The following VRTN variants were observed in gnomAD, a reference collection of about 807,000 sequenced individuals.
VRTN encodes vertebrae development associated.
A neutral mutation model predicts 18.2 loss-of-function variants in VRTN; 5 were observed. The ratio of observed to expected loss-of-function variants is 0.27; its 90% confidence interval spans 0.14 to 0.58. The LOEUF is 0.58. Ranked by LOEUF, VRTN falls within the 20% of genes least tolerant of loss-of-function variation. The probability of loss-of-function intolerance (pLI) is 0.91; values close to 1 mark genes in which losing one functional copy is unlikely to be tolerated. For missense variants in VRTN, 741 were observed against 939.4 expected, an observed-to-expected ratio of 0.79 and a Z score of 2.76; for synonymous variants, 381 against 393.7, an observed-to-expected ratio of 0.97 and a Z score of 0.38.
In VRTN at chr14:74,358,431, G is replaced by C. The variant is rs746872885; in HGVS notation, c.1648G>C (p.Gly550Arg). 1.9e-6 allele frequency: 3 copies of C among 1,614,174 alleles called. No homozygotes were observed. The highest frequency in any genetic ancestry group is 4.5e-5 in the East Asian group (2 of 44,876). Reference sequence around the variant, plus strand: ...TTGGGTCTGGAAGAGTCTTGCTCGGGGTTGGCCCAGAGGCCTGTCCAAACT... The same window carrying C: ...TTGGGTCTGGAAGAGTCTTGCTCGGCGTTGGCCCAGAGGCCTGTCCAAACT... ...AFWVWKSLAR[G>R]WPRGLSKLQV... Residue 550 changes from glycine (G) to arginine (R), a missense_variant, in exon 2 of 2, where the codon GGT (glycine) becomes CGT (arginine). Transcript: ENST00000256362. This position sits in a 1 kb window ranked among gnomAD's most constrained non-coding sequence, Gnocchi z 5.4.
chr14:74,314,596 G>C (rs553547661), intron 1 of VRTN, among the ~76,000 whole-genome samples: 1 of 151,794 alleles, frequency 6.6e-6, no homozygotes. Context: ...TAGAGATGGG[G>C]TTTCATCGAG....
rs1200117685 is a variant in VRTN at position 74,357,425 on chromosome 14, GC to G, written c.645del (p.Ser216ProfsTer159). ...TCCGGCCCCGCCGCTGCGACCACGTGCCCTCCACGCTGCACATCATGTGGGC... is the reference window on the plus strand; with the variant it reads ...TCCGGCCCCGCCGCTGCGACCACGTGCCTCCACGCTGCACATCATGTGGGC... The part of the protein sequence containing the change: ...VIRPRRCDHV[P>X]STLHIMWAGQ... On this transcript the variant is annotated frameshift_variant, in exon 2 of 2. Coordinates refer to ENST00000256362, the MANE Select transcript of VRTN (RefSeq NM_018228.3). LOFTEE classifies it high-confidence loss of function. The surrounding 1 kb of genome is among the most constrained non-coding windows in gnomAD (Gnocchi z 7.8). 1.2e-6 allele frequency: 2 copies of G among 1,612,484 alleles called. No homozygotes were observed. The highest frequency in any genetic ancestry group is 1.7e-6 in the Non-Finnish European group (2 of 1,180,018).
At chr14:74,313,170 G>A (rs770207250) in intron 1 of VRTN, among the ~76,000 whole-genome samples, 2 of 152,154 alleles carry the variant, frequency 1.3e-5, no homozygotes. Context: ...AGACAGAGTT[G>A]GACCTGTCTG....
At chr14:74,304,421 G>A (rs955631139) in intron 1 of VRTN, among the ~76,000 whole-genome samples, 4 of 152,184 alleles carry the variant, frequency 2.6e-5, no homozygotes, top group Non-Finnish European at 5.9e-5. Flanking sequence ...CTCTCAAAAT[G>A]CTGGGATTAC....
chr14:74,335,934 T>C (rs2085561081), intron 1 of VRTN, among the ~76,000 whole-genome samples: 1 of 150,672 alleles, frequency 6.6e-6, no homozygotes, highest in South Asian at 2.1e-4. Flanking sequence ...AGAGATGGGG[T>C]TTCACCATGT....
intron 1 of VRTN, among the ~76,000 whole-genome samples, chr14:74,316,164 TGGTGG>T (rs2085418707): frequency 6.6e-6 from 1 of 151,964 alleles, no homozygotes; most frequent in African/African-American, 2.4e-5. Flanking sequence ...GAGAGGATGA[TGGTGG>T]AGGTGCTTCT....
chr14:74,311,530 C>G (rs2085388838), intron 1 of VRTN, among the ~76,000 whole-genome samples: 1 of 151,940 alleles, frequency 6.6e-6, no homozygotes, highest in Admixed American at 6.6e-5. Flanking sequence ...AAGCTACTCC[C>G]TCCCAAGTAG....
chr14:74,311,051 G>A (rs957186222), intron 1 of VRTN, among the ~76,000 whole-genome samples: 5 of 152,030 alleles, frequency 3.3e-5, no homozygotes, highest in African/African-American at 4.8e-5. Flanking sequence ...GGGTTGTTTC[G>A]AGGAATAAAC....
intron 1 of VRTN, among the ~76,000 whole-genome samples, chr14:74,303,708 G>A (rs977459216): frequency 6.6e-6 from 1 of 152,002 alleles, no homozygotes; most frequent in Non-Finnish European, 1.5e-5. Flanking sequence ...ATTTGAATCT[G>A]GATGTGTCTT....
chr14:74,328,188 G>A (rs2085499546), intron 1 of VRTN, among the ~76,000 whole-genome samples: 1 of 152,132 alleles, frequency 6.6e-6, no homozygotes, highest in Admixed American at 6.6e-5. Context: ...AAGGTACCCT[G>A]CAGGGTGAGG....
At position 74,321,650 on chromosome 14, in the gene VRTN, A is replaced by G. The variant is rs2085456506; in HGVS notation, c.-163-16073A>G. On this transcript the variant is annotated intron_variant, in intron 1 of 2. Coordinates refer to the VRTN transcript ENST00000557177. ...CTCCTAAGTAGCTGGGATTACAGGC[A>G]TGCGCCACCATGCCCGCTAATTTTT... 2.0e-5 allele frequency among the ~76,000 whole-genome samples: 3 copies of G among 150,606 alleles called. No individual in the cohort carries two copies. In the South Asian group the frequency reaches 6.3e-4, roughly 32 times the overall value.
At chr14:74,340,007 C>A (rs2085590407) in intron 2 of VRTN, among the ~76,000 whole-genome samples, 1 of 152,132 alleles carries the variant, frequency 6.6e-6, no homozygotes, top group South Asian at 2.1e-4. Flanking sequence ...ATGATCTCAG[C>A]TCACTGCAAC....
At chr14:74,326,655 G>T (rs2085489319) in intron 1 of VRTN, among the ~76,000 whole-genome samples, 1 of 152,016 alleles carries the variant, frequency 6.6e-6, no homozygotes, top group Admixed American at 6.6e-5. Context: ...GCCAAGCCCT[G>T]GAACAAAAGG....
In VRTN at chr14:74,358,644, A is replaced by G; in HGVS notation, c.1861A>G (p.Ser621Gly). The change falls in exon 2 of 2, where the codon AGT becomes GGT. Residue 621 changes from serine to glycine, a missense_variant. Physicochemically the swap from Ser to Gly is moderately conservative, Grantham distance 56 (BLOSUM62 0). Around this residue, in one of 3 missense-constraint regions of VRTN, gnomAD observed 494 missense variants for 546.5 expected, o/e 0.90. Transcript: ENST00000256362. This position sits in a 1 kb window ranked among gnomAD's most constrained non-coding sequence, Gnocchi z 5.4. ...GGCCACAGCCCAGGGCCAGCCCCAC[A>G]GTGGGCCCTTGCTGAGCCAACCTGT... ...EGATAQGQPH[S>G]GPLLSQPVVA... 1 of 1,609,982 alleles carries G rather than the reference A, an allele frequency of 6.2e-7. No homozygotes were observed. The highest frequency in any genetic ancestry group is 1.7e-4 in the Middle Eastern group (1 of 6,042).
intron 1 of VRTN, among the ~76,000 whole-genome samples, chr14:74,321,476 G>A (rs962277118): frequency 1.4e-4 from 21 of 151,774 alleles, no homozygotes; most frequent in African/African-American, 4.6e-4. Context: ...TCTGGCTCCA[G>A]AGCCCACATT....
chr14:74,357,875 C>A lies in VRTN; in HGVS notation c.1092C>A (p.Pro364=), dbSNP rs547030930. 3.7e-5 allele frequency: 59 copies of A among 1,613,996 alleles called. No homozygotes were observed. The South Asian group carries it at 5.6e-4, about 15-fold the overall frequency. The change falls in exon 2 of 2, where the codon CCC becomes CCA. Residue 364 remains proline (P), a synonymous_variant. Coordinates refer to ENST00000256362, the MANE Select transcript of VRTN (RefSeq NM_018228.3). The surrounding 1 kb of genome is among the most constrained non-coding windows in gnomAD (Gnocchi z 7.8). ...GCTCTGGCACCTGCCCGGCCTTGCC[C>A]CCCAGGGAGGTGCTGGGCATGGAGG... ...LLGSGTCPAL[P]PREVLGMEEL...
upstream of VRTN, among the ~76,000 whole-genome samples, chr14:74,343,962 A>T (rs1404507024): frequency 6.7e-6 from 1 of 150,174 alleles, no homozygotes; most frequent in Non-Finnish European, 1.5e-5. Context: ...TGCCCGGCTT[A>T]TTTTTTTGTA....
chr14:74,332,337 T>C (rs1300728820), intron 1 of VRTN, among the ~76,000 whole-genome samples: 1 of 19,678 alleles, frequency 5.1e-5, no homozygotes, highest in East Asian at 5.2e-3. Flanking sequence ...CCTAATCTGT[T>C]TTTTTTTTTT....
At chr14:74,334,516 C>G (rs767622441) in intron 1 of VRTN, among the ~76,000 whole-genome samples, 1 of 152,114 alleles carries the variant, frequency 6.6e-6, no homozygotes, top group Non-Finnish European at 1.5e-5. Context: ...GATGACAGAG[C>G]AAGACTCCAT....
Sources: gnomAD v4.1 joint callset for allele counts (sites outside exome capture counted in the v4.1 genomes callset) on GRCh38, gnomAD v4.1.1 for gene constraint, gnomAD v4.1.1 regional missense constraint, Gnocchi (gnomAD v3.1) non-coding constraint, MANE v1.5 for transcripts, NCBI Gene and HGNC (gene_info 2026-07-23, HGNC 2026-07-21) for gene names.